Variants in BCL2 observed in about 807,000 individuals in gnomAD.
The protein encoded by BCL2 is apoptosis regulator Bcl-2.
Under a neutral mutation model 14.2 loss-of-function variants are expected in BCL2, and 1 was observed. The observed-to-expected ratio is 0.07, with a 90% CI of 0.02 to 0.33. The LOEUF (loss-of-function observed/expected upper bound fraction) is 0.33. Ranked by LOEUF, BCL2 falls within the 10% of genes least tolerant of loss-of-function variation. The pLI is 0.99. For synonymous variants in BCL2, 151 were observed against 137.2 expected, an observed-to-expected ratio of 1.10 and a Z score of -0.70; for missense variants, 247 against 305.9, an observed-to-expected ratio of 0.81 and a Z score of 1.44.
intron 2 of BCL2, among the ~76,000 whole-genome samples, chr18:63,161,283 G>T (rs1400983025): frequency 1.3e-4 from 20 of 152,094 alleles, no homozygotes; most frequent in Non-Finnish European, 2.9e-4. Flanking sequence ...CAGTGCCTTG[G>T]GCTTCCTTGG....
chr18:63,182,841 G>A (rs781078530), intron 2 of BCL2, among the ~76,000 whole-genome samples: 60 of 152,258 alleles, frequency 3.9e-4, no homozygotes, highest in Non-Finnish European at 6.0e-4. Flanking sequence ...CCCTACCTGG[G>A]GTATTTGCCT....
intron 2 of BCL2, among the ~76,000 whole-genome samples, chr18:63,229,509 C>T (rs1281666945): frequency 6.6e-6 from 1 of 152,140 alleles, no homozygotes; most frequent in Non-Finnish European, 1.5e-5. Flanking sequence ...TTAGCACTAT[C>T]CCCTTGGTGT....
chr18:63,260,207 C>G (rs1911614296), intron 2 of BCL2, among the ~76,000 whole-genome samples: 1 of 152,138 alleles, frequency 6.6e-6, no homozygotes, highest in African/African-American at 2.4e-5. Context: ...CACTACAATG[C>G]ATAAGCATGA....
intron 2 of BCL2, among the ~76,000 whole-genome samples, chr18:63,178,559 T>C (rs1915403317): frequency 6.6e-6 from 1 of 152,116 alleles, no homozygotes; most frequent in Non-Finnish European, 1.5e-5. Flanking sequence ...AGAACGATTG[T>C]AAAACAAGGG....
At chr18:63,225,725 G>A (rs1198090553) in intron 2 of BCL2, among the ~76,000 whole-genome samples, 1 of 152,204 alleles carries the variant, frequency 6.6e-6, no homozygotes, top group Non-Finnish European at 1.5e-5. Flanking sequence ...TCACGGAGGT[G>A]GAGCACGCAG....
chr18:63,271,816 GC>G (rs1390936869), intron 2 of BCL2, among the ~76,000 whole-genome samples: 1 of 152,178 alleles, frequency 6.6e-6, no homozygotes, highest in Non-Finnish European at 1.5e-5. Context: ...GGAGGTTTAT[GC>G]TTTAACAACC....
At chr18:63,296,637 C>T (rs1358940815) in intron 2 of BCL2, among the ~76,000 whole-genome samples, 1 of 152,144 alleles carries the variant, frequency 6.6e-6, no homozygotes, top group Non-Finnish European at 1.5e-5. Flanking sequence ...TGGCTTAACT[C>T]TTAGGGCAGG....
At chr18:63,274,175 T>G (rs930255176) in intron 2 of BCL2, among the ~76,000 whole-genome samples, 1 of 152,094 alleles carries the variant, frequency 6.6e-6, no homozygotes, top group Non-Finnish European at 1.5e-5. Context: ...GACTCCTACA[T>G]GCCTCTACGG....
At chr18:63,190,877 C>G (rs1909271968) in intron 2 of BCL2, among the ~76,000 whole-genome samples, 1 of 152,092 alleles carries the variant, frequency 6.6e-6, no homozygotes, top group South Asian at 2.1e-4. Context: ...TCAACAGGCT[C>G]CAGTGTGTTG....
rs543213116 is a variant in BCL2, at chr18:63,167,654, G to A, written c.586-38895C>T. ...AGAATTAGCCGGATGTTGGCTGGGC[G>A]TGGTGGCTCCTGTCTGTAATCCCAG... On this transcript the variant is annotated intron_variant, in intron 2 of 2. Transcript: ENST00000333681. Among the ~76,000 whole-genome samples, 224 of 152,178 alleles carry A rather than the reference G, an allele frequency of 1.5e-3. 1 individual carries two copies. Among genetic ancestry groups the A allele is most frequent in the African/African-American group, 5.0e-3 (209 of 41,524 alleles).
chr18:63,287,974 G>T (rs946890824), intron 2 of BCL2, among the ~76,000 whole-genome samples: 1 of 152,156 alleles, frequency 6.6e-6, no homozygotes. Context: ...CTGTCTGGGT[G>T]GACAGTGATA....
chr18:63,166,944 G>T (rs886404544), intron 2 of BCL2, among the ~76,000 whole-genome samples: 3 of 152,180 alleles, frequency 2.0e-5, no homozygotes, highest in African/African-American at 7.2e-5. Context: ...GAGACTACAC[G>T]GCAGAATGAG....
chr18:63,312,861 G>T (rs1481076439), intron 2 of BCL2, among the ~76,000 whole-genome samples: 1 of 152,166 alleles, frequency 6.6e-6, no homozygotes, highest in African/African-American at 2.4e-5. Flanking sequence ...ATTGTAGACT[G>T]GTGTTTATTA....
intron 2 of BCL2, among the ~76,000 whole-genome samples, chr18:63,205,390 C>T (rs1021536341): frequency 1.3e-5 from 2 of 152,214 alleles, no homozygotes; most frequent in East Asian, 1.9e-4. Flanking sequence ...GAAAGCCTTG[C>T]TCAATAACTG....
chr18:63,288,711 C>T (rs1174908228), intron 2 of BCL2, among the ~76,000 whole-genome samples: 1 of 152,196 alleles, frequency 6.6e-6, no homozygotes, highest in Admixed American at 6.5e-5. Flanking sequence ...TTTTAAGAAT[C>T]AGAAACTCAA....
intron 2 of BCL2, among the ~76,000 whole-genome samples, chr18:63,294,248 G>A (rs1450406373): frequency 2.6e-5 from 4 of 152,018 alleles, no homozygotes. Context: ...GGCGGAAGAG[G>A]TGGCTGGAAC....
chr18:63,213,547 A>ACAAACACAC (rs1910108678), intron 2 of BCL2, among the ~76,000 whole-genome samples: 2 of 146,240 alleles, frequency 1.4e-5, no homozygotes, highest in Non-Finnish European at 3.0e-5. Flanking sequence ...CACACACATA[A>ACAAACACAC]ACACACACAC....
chr18:63,169,254 TTC>T (rs1181408168), intron 2 of BCL2, among the ~76,000 whole-genome samples: 4 of 47,922 alleles, frequency 8.3e-5, no homozygotes, highest in East Asian at 9.1e-4. Context: ...GTGTTTTTCT[TTC>T]TTTCTTTCTT....
intron 2 of BCL2, among the ~76,000 whole-genome samples, chr18:63,289,202 G>A (rs530081204): frequency 7.5e-4 from 114 of 151,862 alleles, no homozygotes; most frequent in South Asian, 2.3e-3. Context: ...GAGGAAGAAG[G>A]AAAAGTATAG....
Sources: allele counts gnomAD v4.1 joint callset (sites outside exome capture counted in the v4.1 genomes callset), GRCh38; gene constraint gnomAD v4.1.1; transcripts MANE v1.5; gene names NCBI Gene and HGNC (gene_info 2026-07-23, HGNC 2026-07-21).